The following BLM variants were observed in gnomAD, a reference collection of about 807,000 sequenced individuals.
BLM encodes recQ-like DNA helicase BLM.
BLM carries 95 observed loss-of-function variants against 135.3 expected under a neutral mutation model. The observed-to-expected ratio is 0.70, with a 90% CI of 0.59 to 0.83. BLM has a LOEUF of 0.83. Among genes scored for constraint, BLM ranks in the 40% least tolerant of loss-of-function variants. The probability of loss-of-function intolerance (pLI) is 0.00; values close to 1 mark genes in which losing one functional copy is unlikely to be tolerated. For missense variants in BLM, 1,518 were observed against 1,663.9 expected, an observed-to-expected ratio of 0.91 and a Z score of 1.53; for synonymous variants, 520 against 589.2, an observed-to-expected ratio of 0.88 and a Z score of 1.70.
chr15:90,726,113 T>C (rs1489570910), intron 1 of BLM, among the ~76,000 whole-genome samples: 2 of 152,202 alleles, frequency 1.3e-5, no homozygotes, highest in Non-Finnish European at 2.9e-5. Context: ...ATATCTATCA[T>C]CTTAAAACAT....
intron 21 of BLM, among the ~76,000 whole-genome samples, chr15:90,812,321 G>T (rs1897442506): frequency 6.6e-6 from 1 of 152,172 alleles, no homozygotes; most frequent in Non-Finnish European, 1.5e-5. Context: ...TTTAGGGGTT[G>T]CGTAAATGGC....
intron 20 of BLM, 86 bp from the exon 21 acceptor site, chr15:90,811,119 C>T: frequency 7.1e-7 from 1 of 1,402,854 alleles, no homozygotes; most frequent in South Asian, 1.2e-5. Flanking sequence ...CTAAAATGGG[C>T]CCCTGCAGCG....
rs405610 is a variant in BLM at position 90,804,554 on chromosome 15, C to T, written c.3751+195C>T. Among the ~76,000 whole-genome samples the T allele has an allele frequency of 0.38, 58,368 of 151,998 alleles. 12,378 individuals carry two copies. The highest frequency in any genetic ancestry group is 0.55 in the East Asian group (2,854 of 5,160). On this transcript the variant is annotated intron_variant, in intron 19 of 21. Transcript: ENST00000355112. ...TCATGACTCACTGCAGCCTCAACCT[C>T]CTGGGCTCAAGTGATCTTCCCACCT...
intron 13 of BLM, among the ~76,000 whole-genome samples, chr15:90,783,513 A>C (rs1896667578): frequency 1.3e-5 from 2 of 152,244 alleles, no homozygotes; most frequent in African/African-American, 4.8e-5. Context: ...CCTTTGGCTC[A>C]GTCACAGAGA....
intron 7 of BLM, among the ~76,000 whole-genome samples, chr15:90,761,656 G>C (rs954975898): frequency 6.6e-6 from 1 of 152,188 alleles, no homozygotes; most frequent in Non-Finnish European, 1.5e-5. Context: ...TTAATACAAA[G>C]TAGAGAAGCA....
intron 1 of BLM, among the ~76,000 whole-genome samples, chr15:90,739,001 A>T (rs912019579): frequency 2.0e-5 from 3 of 152,238 alleles, no homozygotes; most frequent in African/African-American, 7.2e-5. Flanking sequence ...TGTTCATAAC[A>T]GCATTATTCA....
chr15:90,771,702 A>G (rs1057347727), intron 12 of BLM, among the ~76,000 whole-genome samples: 6 of 150,108 alleles, frequency 4.0e-5, no homozygotes, highest in Non-Finnish European at 8.8e-5. Flanking sequence ...CAGCCTTCCT[A>G]AGTGCTGAGA....
At position 90,778,958 on chromosome 15, in the gene BLM, T is replaced by G. The variant is rs536760756; in HGVS notation, c.2556-3864T>G. ...TGGAGTGCAGTGGTGCGATCTTGGC[T>G]CACTGCAACCTCCACCTCCCAGGTT... On this transcript the variant is annotated intron_variant, in intron 12 of 21. Transcript: ENST00000355112. 2.0e-5 allele frequency among the ~76,000 whole-genome samples: 3 copies of G among 151,318 alleles called. No individual in the cohort carries two copies. The East Asian group carries it at 5.8e-4, about 29-fold the overall frequency.
intron 19 of BLM, among the ~76,000 whole-genome samples, chr15:90,808,404 C>G (rs1380420739): frequency 6.6e-6 from 1 of 152,252 alleles, no homozygotes; most frequent in Non-Finnish European, 1.5e-5. Context: ...GAGCCAGCCT[C>G]CAAAACTCAC....
chr15:90,791,309 G>T (rs28385079), intron 15 of BLM, among the ~76,000 whole-genome samples: 3 of 151,754 alleles, frequency 2.0e-5, no homozygotes, highest in African/African-American at 7.3e-5. Context: ...TGTCTCATCC[G>T]TCCTCTCCCA....
chr15:90,765,518 GCA>G (rs1567043293), intron 9 of BLM, 104 bp downstream of exon 9: 13 of 941,940 alleles, frequency 1.4e-5, no homozygotes. Flanking sequence ...AAAAAATAAA[GCA>G]CAGCAGTTAA....
chr15:90,804,058 G>T, intron 18 of BLM, 109 bp from the exon 19 acceptor site: 1 of 1,056,268 alleles, frequency 9.5e-7, no homozygotes, highest in Non-Finnish European at 1.4e-6. Flanking sequence ...CTATCTGCAT[G>T]ACAGAATAGA....
intron 9 of BLM, 46 bp from the exon 10 acceptor site, chr15:90,766,864 C>A: frequency 3.3e-6 from 4 of 1,222,120 alleles, no homozygotes; most frequent in South Asian, 1.3e-5. Flanking sequence ...GTAATTTTGT[C>A]AGGTTAATGT....
intron 14 of BLM, among the ~76,000 whole-genome samples, chr15:90,789,401 C>T (rs976703658): frequency 6.6e-6 from 1 of 152,180 alleles, no homozygotes; most frequent in Non-Finnish European, 1.5e-5. Flanking sequence ...GCCCTGTGCC[C>T]GCCCTGATAC....
intron 1 of BLM, among the ~76,000 whole-genome samples, chr15:90,723,704 C>A (rs1042595122): frequency 5.9e-5 from 9 of 152,122 alleles, no homozygotes; most frequent in Admixed American, 3.9e-4. Flanking sequence ...CAGAGTTTTA[C>A]ATGTATAGTA....
At chr15:90,796,521 C>T (rs1897030912) in intron 16 of BLM, among the ~76,000 whole-genome samples, 1 of 152,198 alleles carries the variant, frequency 6.6e-6, no homozygotes, top group Non-Finnish European at 1.5e-5. Flanking sequence ...ATTTTCTAGT[C>T]ATCTTCCATG....
rs55678339 is a variant in BLM at position 90,773,511 on chromosome 15, C to CTT, written c.2555+3948_2555+3949dup. ...CACCTAAAGTTGACACTTCAATGGCCTTTTTTTTTTTTTTTTTTTTTTTTA... is the reference window on the plus strand; with the variant it reads ...CACCTAAAGTTGACACTTCAATGGCCTTTTTTTTTTTTTTTTTTTTTTTTTTA... On this transcript the variant is annotated intron_variant, in intron 12 of 21. Coordinates refer to ENST00000355112, the MANE Select transcript of BLM (RefSeq NM_000057.4). Among the ~76,000 whole-genome samples, 387 of 100,800 alleles carry CTT rather than the reference C, an allele frequency of 3.8e-3. 2 individuals carry two copies. The highest frequency in any genetic ancestry group is 0.014 in the African/African-American group (351 of 24,502). The allele number at this position is 100,800 out of a possible 152,430, so 66.1% of individuals were successfully genotyped here. A position where few individuals can be genotyped will look rare whatever the true frequency, so the allele number is the denominator to read the frequency against.
At chr15:90,769,317 A>T in intron 11 of BLM, 86 bp downstream of exon 11, 1 of 1,535,426 alleles carries the variant, frequency 6.5e-7, no homozygotes, top group Non-Finnish European at 9.0e-7. Context: ...ACCCACACTG[A>T]GTGAACGAGT....
In BLM at chr15:90,790,809, A is replaced by G. The variant is rs779755994; in HGVS notation, c.2984A>G (p.Tyr995Cys). ...TCTCACTGCCTGCTTTTCTATACCT[A>G]TCATGATGTGACCAGACTGAAAAGA... ...EISHCLLFYT[Y>C]HDVTRLKRLI... is the part of the protein sequence containing the mutation. The change falls in exon 15 of 22, where the codon TAT becomes TGT. Residue 995 changes from tyrosine to cysteine, a missense_variant. Around this residue, in one of 5 missense-constraint regions of BLM, gnomAD observed 626 missense variants for 681.1 expected, o/e 0.92. Transcript: ENST00000355112. The G allele has an allele frequency of 1.9e-6, 3 of 1,614,172 alleles. No individual in the cohort carries two copies. The highest frequency in any genetic ancestry group is 4.5e-5 in the East Asian group (2 of 44,872).
Sources: allele counts gnomAD v4.1 joint callset (sites outside exome capture counted in the v4.1 genomes callset), GRCh38; gene constraint gnomAD v4.1.1; regional missense constraint gnomAD v4.1.1; transcripts MANE v1.5; gene names NCBI Gene and HGNC (gene_info 2026-07-23, HGNC 2026-07-21).